Variants in IFRD1 observed in about 807,000 individuals in gnomAD.
IFRD1 encodes the protein interferon-related developmental regulator 1.
In IFRD1, 35 loss-of-function variants were observed where a neutral mutation model predicts 52.9. The observed-to-expected ratio is 0.66, with a 90% CI of 0.51 to 0.88. The LOEUF (loss-of-function observed/expected upper bound fraction) is 0.88. Ranked by LOEUF, IFRD1 falls within the 40% of genes least tolerant of loss-of-function variation. The pLI, the probability that IFRD1 is intolerant of heterozygous loss-of-function variation, is 0.00. For missense variants in IFRD1, 517 were observed against 550.8 expected (o/e 0.94, Z 0.61); for synonymous variants, 184 against 188.4 (o/e 0.98, Z 0.19).
Position 112,457,252 on chromosome 7 carries a change from G to A in IFRD1, c.409+214G>A. 4 of 611,656 alleles carry A rather than the reference G, an allele frequency of 6.5e-6. No individual in the cohort carries two copies. The South Asian group carries it at 8.0e-5, about 12-fold the overall frequency. 37.9% of individuals were successfully genotyped at this position (611,656 alleles called of 1,614,324 possible). On this transcript the variant is annotated intron_variant, in intron 4 of 11. Coordinates refer to ENST00000403825, the MANE Select transcript of IFRD1 (RefSeq NM_001550.4). Reference sequence around the variant, plus strand: ...CCAAAAAAAAATAGCTTGAAACTAAGAAGGATTAGGGTAGATTGTCATCAA... The same window carrying A: ...CCAAAAAAAAATAGCTTGAAACTAAAAAGGATTAGGGTAGATTGTCATCAA...
chr7:112,458,025 G>GTATAGTTGA (rs2117299790), intron 4 of IFRD1: 1 of 152,214 alleles, frequency 6.6e-6, no homozygotes, highest in African/African-American at 2.4e-5. Flanking sequence ...CTTGTTATTG[G>GTATAGTTGA]TATAGTTGAT....
chr7:112,448,337 C>T (rs868061816), upstream of IFRD1, among the ~76,000 whole-genome samples: 2 of 152,132 alleles, frequency 1.3e-5, no homozygotes, highest in Non-Finnish European at 2.9e-5. Flanking sequence ...GAAAAAAAGC[C>T]CCTGCCCCAA....
In IFRD1 at chr7:112,455,982, T is replaced by C. The variant is rs1795282769; in HGVS notation, c.200-20T>C. The C allele has an allele frequency of 6.6e-7, 1 of 1,524,888 alleles. No homozygotes were observed. Among genetic ancestry groups the C allele is most frequent in the African/African-American group, 1.4e-5 (1 of 73,270 alleles). 94.5% of individuals were successfully genotyped at this position (1,524,888 alleles called of 1,614,324 possible). A position where few individuals can be genotyped will look rare whatever the true frequency, so the allele number is the denominator to read the frequency against. On this transcript the variant is annotated intron_variant, in intron 2 of 11. Transcript: ENST00000403825. ...TTTTTTTCTTTTAAATTACGATGGC[T>C]GTTTTATATTATTTCTTAGGACCAG...
At position 112,472,224 on chromosome 7, in the gene IFRD1, G is replaced by T. The variant is rs2074796; in HGVS notation, c.1047G>T (p.Arg349=). 6.2e-7 allele frequency: 1 copy of T among 1,613,622 alleles called. No homozygotes were observed. The highest frequency in any genetic ancestry group is 1.7e-5 in the Admixed American group (1 of 59,972). The change falls in exon 10 of 12, where the codon CGG becomes CGT. Residue 349 remains arginine (R), a synonymous_variant. Coordinates refer to ENST00000403825, the MANE Select transcript of IFRD1 (RefSeq NM_001550.4). The part of the protein sequence containing the change: ...FRDVLRAVEE[R]DFPTETIKFG... ...TTGGTTCTTCCATTGGTTAGGAACG[G>T]GATTTTCCAACAGAAACCATTAAAT...
chr7:112,434,828 A>G (rs1794633156), intron 1 of IFRD1, among the ~76,000 whole-genome samples: 1 of 152,236 alleles, frequency 6.6e-6, no homozygotes, highest in Non-Finnish European at 1.5e-5. Flanking sequence ...ATGATTCAAA[A>G]AGAATTGAAC....
chr7:112,437,829 T>G (rs1215484970), intron 1 of IFRD1, among the ~76,000 whole-genome samples: 4 of 152,030 alleles, frequency 2.6e-5, no homozygotes, highest in Admixed American at 1.3e-4. Context: ...GACAGTGAAC[T>G]AAGAGGCTAA....
chr7:112,438,905 T>C (rs1307140339), intron 1 of IFRD1, among the ~76,000 whole-genome samples: 1 of 152,172 alleles, frequency 6.6e-6, no homozygotes, highest in African/African-American at 2.4e-5. Flanking sequence ...CCACCTGGGA[T>C]ACCGTTGACA....
chr7:112,433,005 A>G (rs1794579978), intron 1 of IFRD1, among the ~76,000 whole-genome samples: 1 of 152,232 alleles, frequency 6.6e-6, no homozygotes, highest in Non-Finnish European at 1.5e-5. Context: ...AATTTATTGA[A>G]TGTCAGAATG....
At chr7:112,466,249 C>A (rs1466100216) in intron 8 of IFRD1, among the ~76,000 whole-genome samples, 1 of 151,828 alleles carries the variant, frequency 6.6e-6, no homozygotes, top group East Asian at 1.9e-4. Context: ...TTCTTCCTTC[C>A]TTTTTTTGTG....
intron 1 of IFRD1, among the ~76,000 whole-genome samples, chr7:112,424,102 G>T (rs1246114954): frequency 6.6e-6 from 1 of 152,114 alleles, no homozygotes; most frequent in Non-Finnish European, 1.5e-5. Flanking sequence ...TTTTAAAGGG[G>T]CACTTGGCAT....
In IFRD1 at chr7:112,450,751, A is replaced by G; in HGVS notation, c.63A>G (p.Ser21=). Residue 21 remains serine, a synonymous_variant, in exon 1 of 12, where the codon TCA becomes TCG. Transcript: ENST00000403825. ...HRGSSAGGGG[S]GAAAATAATA... ...GTAGCAGTGCTGGCGGCGGCGGGTC[A>G]GGAGCAGCCGCAGCGACGGCGGCGA... 6.2e-7 allele frequency: 1 copy of G among 1,612,410 alleles called. No homozygotes were observed. The highest frequency in any genetic ancestry group is 8.5e-7 in the Non-Finnish European group (1 of 1,179,710).
chr7:112,458,828 A>G (rs1584491308), intron 4 of IFRD1, 33 bp from the exon 5 acceptor site: 1 of 1,604,408 alleles, frequency 6.2e-7, no homozygotes, highest in Non-Finnish European at 8.5e-7. Flanking sequence ...TACTGAAAAG[A>G]CTATCGTGAT....
intron 9 of IFRD1, among the ~76,000 whole-genome samples, chr7:112,470,177 A>G (rs1425345923): frequency 6.6e-6 from 1 of 152,128 alleles, no homozygotes; most frequent in Admixed American, 6.5e-5. Context: ...TTCTTATCTC[A>G]TTATACCTCT....
At chr7:112,454,289 GT>G (rs1426373589) in intron 1 of IFRD1, among the ~76,000 whole-genome samples, 10 of 152,000 alleles carry the variant, frequency 6.6e-5, no homozygotes, top group Admixed American at 4.6e-4. Context: ...TGCCACCTGG[GT>G]TCAAGTGATT....
At chr7:112,451,066 C>G (rs1326741369) in intron 1 of IFRD1, 2 of 431,924 alleles carry the variant, frequency 4.6e-6, no homozygotes, top group Non-Finnish European at 8.4e-6. Flanking sequence ...TGACCGGGAG[C>G]TGGGCGGGAA....
At chr7:112,430,980 CTTCT>C (rs1794535493) in intron 1 of IFRD1, among the ~76,000 whole-genome samples, 1 of 152,220 alleles carries the variant, frequency 6.6e-6, no homozygotes, top group Non-Finnish European at 1.5e-5. Flanking sequence ...CTCCTTTCTT[CTTCT>C]TTCTTGCCTC....
intron 1 of IFRD1, among the ~76,000 whole-genome samples, chr7:112,455,292 AC>A (rs1795262260): frequency 6.6e-6 from 1 of 151,532 alleles, no homozygotes; most frequent in Non-Finnish European, 1.5e-5. Context: ...GACCAGCCTG[AC>A]CAACATGGTG....
chr7:112,433,669 T>G (rs1476532748), intron 1 of IFRD1, among the ~76,000 whole-genome samples: 1 of 152,234 alleles, frequency 6.6e-6, no homozygotes, highest in Admixed American at 6.5e-5. Context: ...AAAGTTAAAC[T>G]ATAAACTAAG....
At chr7:112,466,178 T>C (rs1259000110) in intron 8 of IFRD1, among the ~76,000 whole-genome samples, 1 of 152,148 alleles carries the variant, frequency 6.6e-6, no homozygotes, top group Non-Finnish European at 1.5e-5. Flanking sequence ...TATCGTAAAG[T>C]CCTATTAATA....
Sources: gnomAD v4.1 joint callset for allele counts (sites outside exome capture counted in the v4.1 genomes callset) on GRCh38, gnomAD v4.1.1 for gene constraint, MANE v1.5 for transcripts, NCBI Gene and HGNC (gene_info 2026-07-23, HGNC 2026-07-21) for gene names.